SOX5: variants seen among roughly 807,000 people sequenced by gnomAD.
SOX5 encodes the protein SRY-box transcription factor 5, also known as transcription factor SOX-5.
A neutral mutation model predicts 92.0 loss-of-function variants in SOX5; 9 were observed. That is an observed-to-expected ratio of 0.10 (90% CI 0.06 to 0.17). The LOEUF (loss-of-function observed/expected upper bound fraction) is 0.17. SOX5 is among the 10% of genes least tolerant of loss of function. SOX5 has a pLI of 1.00. For synonymous variants in SOX5, 344 were observed against 336.3 expected, an observed-to-expected ratio of 1.02 and a Z score of -0.25; for missense variants, 642 against 944.5, an observed-to-expected ratio of 0.68 and a Z score of 4.20.
chr12:23,978,470 C>T lies in SOX5; in HGVS notation c.-1-82446G>A, dbSNP rs570580639. 3.3e-4 allele frequency among the ~76,000 whole-genome samples: 50 copies of T among 152,324 alleles called. No homozygotes were observed. In the Middle Eastern group the frequency reaches 0.01, roughly 31 times the overall value. ...AAACATGAGACCAGAGATGTGATAT[C>T]TAGCTTCCCTAAATACTATCACTGG... On this transcript the variant is annotated intron_variant, in intron 4 of 4. Coordinates refer to the SOX5 transcript ENST00000446891.
chr12:24,216,381 G>A (rs986452429), intron 3 of SOX5, among the ~76,000 whole-genome samples: 1 of 152,186 alleles, frequency 6.6e-6, no homozygotes, highest in Admixed American at 6.5e-5. Flanking sequence ...CTACTCCGGA[G>A]GCTGGGGCAG....
chr12:24,498,691 A>T (rs1384881820), intron 1 of SOX5, among the ~76,000 whole-genome samples: 1 of 152,176 alleles, frequency 6.6e-6, no homozygotes, highest in Non-Finnish European at 1.5e-5. Context: ...TATACATATG[A>T]TTATCATAAA....
intron 4 of SOX5, among the ~76,000 whole-genome samples, chr12:23,980,532 T>C (rs976680221): frequency 6.6e-6 from 1 of 152,176 alleles, no homozygotes; most frequent in Non-Finnish European, 1.5e-5. Flanking sequence ...AGAATCCTGA[T>C]GCATATTTGA....
intron 11 of SOX5, among the ~76,000 whole-genome samples, chr12:23,556,737 C>T (rs531041716): frequency 2.8e-4 from 42 of 152,270 alleles, no homozygotes; most frequent in African/African-American, 9.6e-4. Context: ...CAACTTCCAC[C>T]GACTGGAGAG....
rs1939665876 is a variant in SOX5, at chr12:23,534,167, A to C, written c.*52T>G. 6 of 1,496,332 alleles carry C rather than the reference A, an allele frequency of 4.0e-6. No homozygotes were observed. Among genetic ancestry groups the C allele is most frequent in the Non-Finnish European group, 5.5e-6 (6 of 1,086,486 alleles). 92.7% of individuals were successfully genotyped at this position (1,496,332 alleles called of 1,614,324 possible). ...TGTGCTTGGCCACTGGTAAGGATGAACCAGTTAGGGCTTCTTTAAGTCCTA... is the reference window on the plus strand; with the variant it reads ...TGTGCTTGGCCACTGGTAAGGATGACCCAGTTAGGGCTTCTTTAAGTCCTA... On this transcript the variant is annotated 3_prime_UTR_variant, in exon 15 of 15. Coordinates refer to ENST00000451604, the MANE Select transcript of SOX5 (RefSeq NM_006940.6).
intron 11 of SOX5, among the ~76,000 whole-genome samples, chr12:23,554,126 TA>T (rs1944702972): frequency 6.6e-6 from 1 of 152,090 alleles, no homozygotes; most frequent in Non-Finnish European, 1.5e-5. Flanking sequence ...AATCTCCTTA[TA>T]ATGAATAGCT....
intron 2 of SOX5, among the ~76,000 whole-genome samples, chr12:24,320,834 C>T (rs1950141273): frequency 6.7e-6 from 1 of 150,278 alleles, no homozygotes; most frequent in South Asian, 2.1e-4. Flanking sequence ...CACTACACTC[C>T]AGCCTGGGCG....
At chr12:24,005,198 T>A (rs11047199) in intron 4 of SOX5, among the ~76,000 whole-genome samples, 1 of 151,264 alleles carries the variant, frequency 6.6e-6, no homozygotes, top group Non-Finnish European at 1.5e-5. Context: ...AAAAAAAAAA[T>A]CACTGAATTG....
At chr12:24,334,535 C>T (rs1472126914) in intron 2 of SOX5, among the ~76,000 whole-genome samples, 1 of 152,072 alleles carries the variant, frequency 6.6e-6, no homozygotes, top group Admixed American at 6.6e-5. Context: ...TGTTAAAATG[C>T]TCAATCCTGG....
chr12:23,836,789 A>G (rs1464760887), intron 3 of SOX5, among the ~76,000 whole-genome samples: 1 of 151,916 alleles, frequency 6.6e-6, no homozygotes, highest in Admixed American at 6.6e-5. Context: ...ATGGCCTTTG[A>G]AAAACAATGG....
At chr12:23,706,298 T>C (rs2091383773) in intron 6 of SOX5, among the ~76,000 whole-genome samples, 1 of 152,146 alleles carries the variant, frequency 6.6e-6, no homozygotes, top group Non-Finnish European at 1.5e-5. Flanking sequence ...TTAGTATTTA[T>C]ACACACTATT....
chr12:23,695,088 C>G (rs2089572300), intron 6 of SOX5, among the ~76,000 whole-genome samples: 1 of 147,910 alleles, frequency 6.8e-6, no homozygotes, highest in Non-Finnish European at 1.5e-5. Flanking sequence ...TCACTCTACT[C>G]CAGCTTGGGT....
chr12:24,422,732 C>G (rs974769190), intron 1 of SOX5, among the ~76,000 whole-genome samples: 1 of 152,194 alleles, frequency 6.6e-6, no homozygotes, highest in African/African-American at 2.4e-5. Flanking sequence ...TATTTTCAAC[C>G]AGGCACAGTG....
At chr12:23,807,545 G>A (rs1314099931) in intron 3 of SOX5, among the ~76,000 whole-genome samples, 2 of 152,218 alleles carry the variant, frequency 1.3e-5, no homozygotes, top group East Asian at 3.9e-4. Context: ...TGAAGAGGTA[G>A]GAAGGATGCT....
intron 4 of SOX5, among the ~76,000 whole-genome samples, chr12:24,137,610 G>A (rs1158393448): frequency 6.6e-6 from 1 of 152,046 alleles, no homozygotes; most frequent in South Asian, 2.1e-4. Context: ...CCTGCCTGGC[G>A]ACAGAGGGAG....
chr12:24,224,695 T>A lies in SOX5; in HGVS notation c.-76-11278A>T, dbSNP rs186254449. ...ATCCACATTTTTAAAAAATTTCAGA[T>A]CTTGCCTTCTTTGGCTGGGAGTATT... is the stretch of plus-strand genomic sequence containing the variant. On this transcript the variant is annotated intron_variant, in intron 3 of 4. Transcript: ENST00000446891. Among the ~76,000 whole-genome samples the A allele has an allele frequency of 5.3e-5, 8 of 152,322 alleles. No individual in the cohort carries two copies. The East Asian group carries it at 1.5e-3, about 29-fold the overall frequency.
At chr12:24,343,307 A>T (rs1364463818) in intron 2 of SOX5, among the ~76,000 whole-genome samples, 1 of 152,168 alleles carries the variant, frequency 6.6e-6, no homozygotes, top group Non-Finnish European at 1.5e-5. Context: ...TGTCATGGAA[A>T]CAAAGAGCAG....
At chr12:24,521,182 G>C (rs1299728776) in intron 1 of SOX5, among the ~76,000 whole-genome samples, 1 of 152,100 alleles carries the variant, frequency 6.6e-6, no homozygotes, top group East Asian at 1.9e-4. Context: ...AGCCTCCCAA[G>C]TAGCTGGGAT....
intron 9 of SOX5, among the ~76,000 whole-genome samples, chr12:23,595,999 G>A (rs948975879): frequency 2.0e-5 from 3 of 152,168 alleles, no homozygotes; most frequent in African/African-American, 7.2e-5. Context: ...TTGATATTGC[G>A]AGACTCTAGG....
Sources: gnomAD v4.1 joint callset for allele counts (sites outside exome capture counted in the v4.1 genomes callset) on GRCh38, gnomAD v4.1.1 for gene constraint, MANE v1.5 for transcripts, NCBI Gene and HGNC (gene_info 2026-07-23, HGNC 2026-07-21) for gene names.